ITGA4: variants seen among roughly 807,000 people sequenced by gnomAD.
ITGA4 encodes the protein integrin alpha-4.
Under a neutral mutation model 133.6 loss-of-function variants are expected in ITGA4, and 63 were observed. That is an observed-to-expected ratio of 0.47 (90% confidence interval 0.38 to 0.58). ITGA4 has a LOEUF of 0.58. ITGA4 is among the 20% of genes least tolerant of loss of function. ITGA4 has a pLI of 0.00. For synonymous variants in ITGA4, 483 were observed against 438.0 expected, an observed-to-expected ratio of 1.10 and a Z score of -1.28; for missense variants, 1,076 against 1,252.7, an observed-to-expected ratio of 0.86 and a Z score of 2.13.
chr2:181,462,014 TAAATA>T lies in ITGA4; in HGVS notation c.319+3702_319+3706del, dbSNP rs535957192. On this transcript the variant is annotated intron_variant, in intron 2 of 27. Transcript: ENST00000397033. ...TATTAGGCGAAATAAAATTTTAGGTTAAATAAAATTAATTTTATTTTTACTTTTTT... is the reference window on the plus strand; with the variant it reads ...TATTAGGCGAAATAAAATTTTAGGTTAAATTAATTTTATTTTTACTTTTTT... Among the ~76,000 whole-genome samples the T allele has an allele frequency of 4.2e-4, 64 of 152,294 alleles. 1 individual carries two copies. In the South Asian group the frequency reaches 0.012, roughly 29 times the overall value.
intron 4 of ITGA4, among the ~76,000 whole-genome samples, chr2:181,477,076 C>T (rs192821506): frequency 2.6e-5 from 4 of 152,216 alleles, no homozygotes; most frequent in Non-Finnish European, 4.4e-5. Context: ...CCCTACAACA[C>T]GCAATTTATC....
chr2:181,465,958 A>G (rs549031071), intron 2 of ITGA4, among the ~76,000 whole-genome samples: 3 of 152,282 alleles, frequency 2.0e-5, no homozygotes, highest in African/African-American at 7.2e-5. Context: ...CTTTGCATGT[A>G]TTAAAACTGT....
In ITGA4 at chr2:181,482,570, C is replaced by G. The variant is rs1460488358; in HGVS notation, c.960C>G (p.Phe320Leu). Residue 320 changes from phenylalanine to leucine, a missense_variant, in exon 9 of 28, where the codon TTC becomes TTG. Around this residue, in one of 4 missense-constraint regions of ITGA4, gnomAD observed 436 missense variants for 590.7 expected, o/e 0.74. Coordinates refer to ENST00000397033, the MANE Select transcript of ITGA4 (RefSeq NM_000885.6). Reference protein sequence around the residue: ...VCAVDLNADGFSDLLVGAPMQ... With the variant: ...VCAVDLNADGLSDLLVGAPMQ... ...CTGTGGACCTCAATGCAGATGGCTT[C>G]TCAGATCTGCTCGTGGGAGCACCCA... is the stretch of plus-strand genomic sequence containing the variant. The G allele has an allele frequency of 6.2e-7, 1 of 1,613,732 alleles. No homozygotes were observed. Among genetic ancestry groups the G allele is most frequent in the Non-Finnish European group, 8.5e-7 (1 of 1,179,762 alleles).
Position 181,495,643 on chromosome 2 carries a change from C to T in ITGA4, c.1386-140C>T. 1 of 750,988 alleles carries T rather than the reference C, an allele frequency of 1.3e-6. No homozygotes were observed. Among genetic ancestry groups the T allele is most frequent in the Non-Finnish European group, 2.1e-6 (1 of 465,306 alleles). 46.5% of individuals were successfully genotyped at this position (750,988 alleles called of 1,614,324 possible). A position where few individuals can be genotyped will look rare whatever the true frequency, so the allele number is the denominator to read the frequency against. ...ATAAAAAGTTATTTTGCCCTGTGCACAGAAATGTAATTAGTATGTACACAC... is the reference window on the plus strand; with the variant it reads ...ATAAAAAGTTATTTTGCCCTGTGCATAGAAATGTAATTAGTATGTACACAC... On this transcript the variant is annotated intron_variant, in intron 13 of 27. Coordinates refer to ENST00000397033, the MANE Select transcript of ITGA4 (RefSeq NM_000885.6). The surrounding 1 kb of genome is among the most constrained non-coding windows in gnomAD (Gnocchi z 4.3).
At position 181,462,800 on chromosome 2, in the gene ITGA4, C is replaced by T. The variant is rs550604995; in HGVS notation, c.319+4483C>T. Among the ~76,000 whole-genome samples, 3 of 152,136 alleles carry T rather than the reference C, an allele frequency of 2.0e-5. No individual in the cohort carries two copies. In the South Asian group the frequency reaches 6.2e-4, roughly 31 times the overall value. Reference sequence around the variant, plus strand: ...AGTTTTTGCCTTAAGTTTACTTGGTCACTGAGTGATATACCCAATGACTTG... The same window carrying T: ...AGTTTTTGCCTTAAGTTTACTTGGTTACTGAGTGATATACCCAATGACTTG... On this transcript the variant is annotated intron_variant, in intron 2 of 27. Coordinates refer to ENST00000397033, the MANE Select transcript of ITGA4 (RefSeq NM_000885.6).
At chr2:181,519,303 A>G (rs1686671285) in intron 17 of ITGA4, among the ~76,000 whole-genome samples, 1 of 152,158 alleles carries the variant, frequency 6.6e-6, no homozygotes, top group Non-Finnish European at 1.5e-5. Context: ...GGTGAGGACA[A>G]TAACTGGAAG....
intron 2 of ITGA4, among the ~76,000 whole-genome samples, chr2:181,465,976 A>G (rs1013415429): frequency 2.0e-5 from 3 of 152,174 alleles, no homozygotes; most frequent in Non-Finnish European, 4.4e-5. Flanking sequence ...TGTGGTACGT[A>G]GTAAGCATGC....
intron 2 of ITGA4, among the ~76,000 whole-genome samples, chr2:181,459,727 AGAATT>A (rs1410062006): frequency 6.6e-6 from 1 of 152,210 alleles, no homozygotes; most frequent in African/African-American, 2.4e-5. Context: ...TTGTGGGTGA[AGAATT>A]AGGGAGTGGA....
chr2:181,481,682 A>G lies in ITGA4; in HGVS notation c.839A>G (p.Lys280Arg). 6.5e-7 allele frequency: 1 copy of G among 1,536,296 alleles called. No homozygotes were observed. The stretch of plus-strand genomic sequence containing the variant: ...GCTCCTCAACATGAGCAGATTGGTA[A>G]GGTAAGAATTACATTTTTATATTTA... Reference protein sequence around the residue: ...GGAPQHEQIGKAYIFSIDEKE... With the variant: ...GGAPQHEQIGRAYIFSIDEKE... Residue 280 changes from lysine (K) to arginine (R), a missense_variant and splice_region_variant, in exon 7 of 28, where the codon AAG becomes AGG. Physicochemically the swap from Lys to Arg is conservative, Grantham distance 26 (BLOSUM62 2). Transcript: ENST00000397033.
At chr2:181,490,510 T>A (rs945062865) in intron 10 of ITGA4, among the ~76,000 whole-genome samples, 1 of 149,672 alleles carries the variant, frequency 6.7e-6, no homozygotes, top group Non-Finnish European at 1.5e-5. Flanking sequence ...TGTGTGTGTG[T>A]GTGTGTGTGT....
At chr2:181,497,400 A>G (rs1181096995) in intron 14 of ITGA4, among the ~76,000 whole-genome samples, 1 of 152,148 alleles carries the variant, frequency 6.6e-6, no homozygotes, top group Non-Finnish European at 1.5e-5. Context: ...TTTAACTCTT[A>G]CTAATAGTGG....
intron 6 of ITGA4, 22 bp downstream of exon 6, chr2:181,480,288 T>C: frequency 7.7e-7 from 1 of 1,301,324 alleles, no homozygotes; most frequent in Non-Finnish European, 1.0e-6. Context: ...ATTGACAAAC[T>C]TAAATGATCT....
rs1559066159 is a variant in ITGA4, at chr2:181,538,393, C to G, written c.*2866C>G. The G allele has an allele frequency of 1.6e-6, 1 of 610,976 alleles. No individual in the cohort carries two copies. Among genetic ancestry groups the G allele is most frequent in the Admixed American group, 2.9e-5 (1 of 34,392 alleles). The allele number at this position is 610,976 out of a possible 1,614,324, so 37.8% of individuals were successfully genotyped here. On this transcript the variant is annotated 3_prime_UTR_variant, in exon 28 of 28. Transcript: ENST00000397033. Reference sequence around the variant, plus strand: ...CTGTAATCTAGAAAACTGAGAAGGTCTGATTGATAAATCATCAACAACAAT... The same window carrying G: ...CTGTAATCTAGAAAACTGAGAAGGTGTGATTGATAAATCATCAACAACAAT...
At chr2:181,502,137 C>T (rs184254374) in intron 15 of ITGA4, among the ~76,000 whole-genome samples, 138 of 152,030 alleles carry the variant, frequency 9.1e-4, no homozygotes, top group African/African-American at 3.0e-3. Context: ...TATACTGCAG[C>T]TTGATCAAAT....
chr2:181,530,472 T>C (rs1393462832), intron 23 of ITGA4, 52 bp from the exon 24 acceptor site: 2 of 1,548,666 alleles, frequency 1.3e-6, no homozygotes, highest in Non-Finnish European at 1.8e-6. Flanking sequence ...TGCTTTTTGC[T>C]GTTTTTTCCA....
chr2:181,535,323 A>C, intron 27 of ITGA4, 109 bp from the exon 28 acceptor site: 1 of 803,780 alleles, frequency 1.2e-6, no homozygotes, highest in Non-Finnish European at 1.9e-6. Flanking sequence ...GTTACAAGGG[A>C]TGCAGTTTAA....
chr2:181,538,058 T>G lies in ITGA4; in HGVS notation c.*2531T>G, dbSNP rs776550772. On this transcript the variant is annotated 3_prime_UTR_variant, in exon 28 of 28. Coordinates refer to ENST00000397033, the MANE Select transcript of ITGA4 (RefSeq NM_000885.6). Reference sequence around the variant, plus strand: ...AGTTCATCCTGAAACCATTCCCCCATCCACGGAAAAATTGTCTTCCATGAA... The same window carrying G: ...AGTTCATCCTGAAACCATTCCCCCAGCCACGGAAAAATTGTCTTCCATGAA... 2.8e-6 allele frequency: 2 copies of G among 710,368 alleles called. No individual in the cohort carries two copies. The highest frequency in any genetic ancestry group is 3.8e-4 in the Middle Eastern group (1 of 2,660). The allele number at this position is 710,368 out of a possible 1,614,324, so 44.0% of individuals were successfully genotyped here. A position where few individuals can be genotyped will look rare whatever the true frequency, so the allele number is the denominator to read the frequency against.
intron 1 of ITGA4, 125 bp downstream of exon 1, chr2:181,457,976 A>C (rs545860363): frequency 1.8e-5 from 21 of 1,145,062 alleles, no homozygotes; most frequent in Non-Finnish European, 2.6e-5. Context: ...ACGCTGCGAG[A>C]GCCAGCTCGC....
intron 10 of ITGA4, among the ~76,000 whole-genome samples, chr2:181,491,213 T>A (rs1686044734): frequency 6.6e-6 from 1 of 152,218 alleles, no homozygotes; most frequent in South Asian, 2.1e-4. Context: ...TTTGCCTTAA[T>A]CTAGATCACT....
Sources: gnomAD v4.1 joint callset for allele counts (sites outside exome capture counted in the v4.1 genomes callset) on GRCh38, gnomAD v4.1.1 for gene constraint, gnomAD v4.1.1 regional missense constraint, Gnocchi (gnomAD v3.1) non-coding constraint, MANE v1.5 for transcripts, NCBI Gene and HGNC (gene_info 2026-07-23, HGNC 2026-07-21) for gene names.